GPC6: variants seen among roughly 807,000 people sequenced by gnomAD.
GPC6 encodes glypican 6, also known as glypican-6.
In GPC6, 14 loss-of-function variants were observed where a neutral mutation model predicts 55.2. That is an observed-to-expected ratio of 0.25 (90% CI 0.17 to 0.40). GPC6 has a LOEUF of 0.40. GPC6 is among the 10% of genes least tolerant of loss of function. The probability of loss-of-function intolerance (pLI) is 1.00; values close to 1 mark genes in which losing one functional copy is unlikely to be tolerated. For synonymous variants in GPC6, 278 were observed against 259.6 expected (o/e 1.07, Z -0.68); for missense variants, 641 against 708.5 (o/e 0.90, Z 1.08).
chr13:94,067,577 TTATAGATAGATA>T (rs1884567009), intron 4 of GPC6, among the ~76,000 whole-genome samples: 1 of 130,324 alleles, frequency 7.7e-6, no homozygotes, highest in South Asian at 2.5e-4. Context: ...GATAGATAGA[TTATAGATAGATA>T]GATAGATAGA....
intron 1 of GPC6, among the ~76,000 whole-genome samples, chr13:93,340,447 C>T (rs1488513327): frequency 6.6e-6 from 1 of 152,100 alleles, no homozygotes; most frequent in Non-Finnish European, 1.5e-5. Flanking sequence ...AACTGAGAAA[C>T]ACAGACAATA....
chr13:93,785,761 G>T (rs1351271242), intron 2 of GPC6, among the ~76,000 whole-genome samples: 1 of 152,044 alleles, frequency 6.6e-6, no homozygotes, highest in East Asian at 1.9e-4. Context: ...AGGAGTTCAA[G>T]AACAGCCTGG....
At chr13:93,223,615 T>G (rs1275838111), upstream of GPC6, among the ~76,000 whole-genome samples, 1 of 152,038 alleles carries the variant, frequency 6.6e-6, no homozygotes, top group African/African-American at 2.4e-5. Context: ...GCGAATTTTT[T>G]GTATTTTTAG....
Position 94,314,809 on chromosome 13 carries a change from A to G in GPC6, c.1152+8686A>G, listed in dbSNP as rs77243739. ...ATACCAGTTTTGATGTATTTGCTGT[A>G]TAATCAATCAGCTTCTAACAGACTC... On this transcript the variant is annotated intron_variant, in intron 6 of 8. Transcript: ENST00000377047. 5.3e-5 allele frequency among the ~76,000 whole-genome samples: 8 copies of G among 152,364 alleles called. No homozygotes were observed. The East Asian group carries it at 1.5e-3, about 29-fold the overall frequency.
At chr13:93,441,854 C>T (rs948644529) in intron 1 of GPC6, among the ~76,000 whole-genome samples, 5 of 152,036 alleles carry the variant, frequency 3.3e-5, no homozygotes, top group Non-Finnish European at 5.9e-5. Flanking sequence ...CTCACTGCAG[C>T]CTTGACAGGG....
chr13:93,686,308 A>C (rs968643355), intron 2 of GPC6, among the ~76,000 whole-genome samples: 1 of 152,206 alleles, frequency 6.6e-6, no homozygotes, highest in African/African-American at 2.4e-5. Context: ...ACTAGTTTCA[A>C]TATTTCAATG....
At chr13:93,778,291 C>CA (rs935627710) in intron 2 of GPC6, among the ~76,000 whole-genome samples, 8 of 151,752 alleles carry the variant, frequency 5.3e-5, no homozygotes, top group African/African-American at 1.5e-4. Flanking sequence ...TGTTAAGGCA[C>CA]AAAAAAAGAA....
intron 3 of GPC6, among the ~76,000 whole-genome samples, chr13:93,902,444 T>G (rs2140328244): frequency 6.6e-6 from 1 of 152,286 alleles, no homozygotes; most frequent in South Asian, 2.1e-4. Context: ...TCTTCTTTAC[T>G]CATTCATCCA....
At chr13:93,408,286 A>C (rs1876369808) in intron 1 of GPC6, among the ~76,000 whole-genome samples, 1 of 152,182 alleles carries the variant, frequency 6.6e-6, no homozygotes, top group African/African-American at 2.4e-5. Flanking sequence ...TTTATAGAGA[A>C]GGCTGAGTCT....
At chr13:93,393,395 C>T (rs1230873836) in intron 1 of GPC6, among the ~76,000 whole-genome samples, 2 of 151,958 alleles carry the variant, frequency 1.3e-5, no homozygotes, top group African/African-American at 2.4e-5. Flanking sequence ...CTGCCCACCT[C>T]GGCCGCAGAA....
Position 94,208,753 on chromosome 13 carries a change from CAAAAAAAAAAAAAAA to C in GPC6, c.878-77584_878-77570del, listed in dbSNP as rs762261930. 1.7e-4 allele frequency among the ~76,000 whole-genome samples: 6 copies of C among 36,228 alleles called. No homozygotes were observed. The South Asian group carries it at 4.0e-3, about 24-fold the overall frequency. 23.8% of individuals were successfully genotyped at this position (36,228 alleles called of 152,430 possible). On this transcript the variant is annotated intron_variant, in intron 4 of 8. Transcript: ENST00000377047. ...GCAGCAAAGCAAGACTCCCATCTCC[CAAAAAAAAAAAAAAA>C]AAAAAAAAAAACAAGCTGGGCCTGG...
At chr13:93,370,223 G>A (rs998443544) in intron 1 of GPC6, among the ~76,000 whole-genome samples, 2 of 152,056 alleles carry the variant, frequency 1.3e-5, no homozygotes, top group East Asian at 1.9e-4. Context: ...TCTAGATAAT[G>A]TAAAGGTTTT....
At chr13:93,596,218 T>C (rs1380072306) in intron 2 of GPC6, among the ~76,000 whole-genome samples, 5 of 152,032 alleles carry the variant, frequency 3.3e-5, no homozygotes, top group Non-Finnish European at 7.4e-5. Context: ...AGAGGAGCAA[T>C]GGAAGAGACC....
At chr13:93,322,952 C>G (rs952944391) in intron 1 of GPC6, among the ~76,000 whole-genome samples, 5 of 152,134 alleles carry the variant, frequency 3.3e-5, no homozygotes, top group Non-Finnish European at 5.9e-5. Context: ...CCCCCACACC[C>G]CCTTAGTCTT....
intron 2 of GPC6, among the ~76,000 whole-genome samples, chr13:93,691,610 G>GA (rs1009080768): frequency 6.6e-6 from 1 of 151,440 alleles, no homozygotes; most frequent in African/African-American, 2.4e-5. Flanking sequence ...TATTTCAAAT[G>GA]AAAAAATTAT....
intron 3 of GPC6, among the ~76,000 whole-genome samples, chr13:93,838,215 G>T (rs1195126362): frequency 6.6e-6 from 1 of 152,184 alleles, no homozygotes; most frequent in Non-Finnish European, 1.5e-5. Flanking sequence ...CTATCACGAA[G>T]AGAGACATTA....
chr13:94,310,135 T>C (rs1294460697), intron 6 of GPC6, among the ~76,000 whole-genome samples: 1 of 152,186 alleles, frequency 6.6e-6, no homozygotes, highest in Non-Finnish European at 1.5e-5. Context: ...GTTGTACAGC[T>C]CAGAAAATTA....
intron 2 of GPC6, among the ~76,000 whole-genome samples, chr13:93,588,383 T>A (rs2139502694): frequency 6.7e-6 from 1 of 148,898 alleles, no homozygotes; most frequent in East Asian, 2.0e-4. Flanking sequence ...TGTGTGTGTG[T>A]GTGTGTGTGT....
chr13:93,571,889 T>C (rs987093495), intron 2 of GPC6, among the ~76,000 whole-genome samples: 6 of 151,694 alleles, frequency 4.0e-5, no homozygotes, highest in African/African-American at 9.8e-5. Context: ...CAGAATATTA[T>C]TGATTTGCTG....
Sources: gnomAD v4.1 joint callset for allele counts (sites outside exome capture counted in the v4.1 genomes callset) on GRCh38, gnomAD v4.1.1 for gene constraint, MANE v1.5 for transcripts, NCBI Gene and HGNC (gene_info 2026-07-23, HGNC 2026-07-21) for gene names.